Variants in TLL1 observed in about 807,000 individuals in gnomAD.
TLL1 encodes the protein tolloid like 1.
In TLL1, 49 loss-of-function variants were observed where a neutral mutation model predicts 128.2. That is an observed-to-expected ratio of 0.38 (90% CI 0.30 to 0.48). TLL1 has a LOEUF of 0.48. Among genes scored for constraint, TLL1 ranks in the 20% least tolerant of loss-of-function variants. TLL1 has a pLI of 0.96. For missense variants in TLL1, 1,123 were observed against 1,242.0 expected (o/e 0.90, Z 1.44); for synonymous variants, 454 against 418.8 (o/e 1.08, Z -1.03).
At chr4:166,011,687 A>T (rs1315818209) in intron 7 of TLL1, among the ~76,000 whole-genome samples, 1 of 151,494 alleles carries the variant, frequency 6.6e-6, no homozygotes, top group African/African-American at 2.4e-5. Context: ...ATAAGTGACA[A>T]GGGTGGGCAT....
At chr4:166,058,156 T>C (rs1482038730) in intron 14 of TLL1, among the ~76,000 whole-genome samples, 1 of 152,078 alleles carries the variant, frequency 6.6e-6, no homozygotes, top group Non-Finnish European at 1.5e-5. Context: ...TTCATCCATC[T>C]CTCATACCAG....
chr4:165,969,105 T>A (rs1019204033), intron 1 of TLL1, among the ~76,000 whole-genome samples: 46 of 152,294 alleles, frequency 3.0e-4, no homozygotes, highest in African/African-American at 1.0e-3. Flanking sequence ...ATTATTTTTG[T>A]TTGAGTTATT....
chr4:165,971,919 T>C (rs1185970772), intron 1 of TLL1, among the ~76,000 whole-genome samples: 1 of 152,178 alleles, frequency 6.6e-6, no homozygotes, highest in East Asian at 1.9e-4. Context: ...TTGTCAGTGA[T>C]CTGTTTTTTG....
intron 13 of TLL1, among the ~76,000 whole-genome samples, chr4:166,056,328 G>A (rs1740005498): frequency 6.6e-6 from 1 of 151,712 alleles, no homozygotes; most frequent in Non-Finnish European, 1.5e-5. Context: ...ACTCACATGA[G>A]GTTATTCCTG....
At chr4:165,983,692 C>A (rs1269915089) in intron 1 of TLL1, among the ~76,000 whole-genome samples, 1 of 151,768 alleles carries the variant, frequency 6.6e-6, no homozygotes, top group East Asian at 1.9e-4. Context: ...AAGTTCTATG[C>A]CCTTTGAAGG....
At chr4:166,019,831 A>C (rs1170355779) in intron 8 of TLL1, among the ~76,000 whole-genome samples, 3 of 152,178 alleles carry the variant, frequency 2.0e-5, no homozygotes, top group Non-Finnish European at 2.9e-5. Context: ...ATACCTTGTA[A>C]TACATTCTTA....
intron 1 of TLL1, among the ~76,000 whole-genome samples, chr4:165,935,998 A>G (rs1287926301): frequency 6.6e-6 from 1 of 151,170 alleles, no homozygotes; most frequent in Non-Finnish European, 1.5e-5. Context: ...TTATCAGGAC[A>G]CACATAATGT....
At chr4:166,068,161 T>G (rs564468637) in intron 16 of TLL1, among the ~76,000 whole-genome samples, 62 of 151,962 alleles carry the variant, frequency 4.1e-4, no homozygotes, top group African/African-American at 1.4e-3. Flanking sequence ...ATTAGATCTA[T>G]TTCACATTTA....
chr4:166,021,338 A>G (rs1157370292), intron 8 of TLL1, among the ~76,000 whole-genome samples: 1 of 152,010 alleles, frequency 6.6e-6, no homozygotes, highest in Non-Finnish European at 1.5e-5. Context: ...CCAGCAGCCC[A>G]AGCCAGAACT....
intron 1 of TLL1, among the ~76,000 whole-genome samples, chr4:165,939,077 T>G (rs146723696): frequency 6.6e-6 from 1 of 152,046 alleles, no homozygotes; most frequent in African/African-American, 2.4e-5. Flanking sequence ...TGATATTAAG[T>G]TTGAAGTGCA....
At chr4:165,981,043 G>A (rs28655156) in intron 1 of TLL1, among the ~76,000 whole-genome samples, 12,157 of 152,016 alleles carry the variant, frequency 0.08, 1,596 homozygotes, top group African/African-American at 0.27. Flanking sequence ...CCCAATTGGT[G>A]AACTACTGTA....
At chr4:165,887,214 T>C (rs949708443) in intron 1 of TLL1, among the ~76,000 whole-genome samples, 2 of 152,078 alleles carry the variant, frequency 1.3e-5, no homozygotes, top group African/African-American at 2.4e-5. Context: ...TATAAAGATA[T>C]GTTAGGAGGT....
intron 1 of TLL1, among the ~76,000 whole-genome samples, chr4:165,980,208 C>CT (rs202236567): frequency 0.079 from 12,042 of 151,990 alleles, 1,556 homozygotes; most frequent in African/African-American, 0.27. Context: ...GTCCAGTCCC[C>CT]TTATGTTCTT....
chr4:166,016,376 G>T (rs1379966361), intron 8 of TLL1, among the ~76,000 whole-genome samples: 1 of 152,018 alleles, frequency 6.6e-6, no homozygotes, highest in Non-Finnish European at 1.5e-5. Context: ...AAACTCTCTT[G>T]ATTATATCTC....
At position 165,956,938 on chromosome 4, in the gene TLL1, G is replaced by C. The variant is rs138077267; in HGVS notation, c.170-32443G>C. On this transcript the variant is annotated intron_variant, in intron 1 of 20. Coordinates refer to ENST00000061240, the MANE Select transcript of TLL1 (RefSeq NM_012464.5). The stretch of plus-strand genomic sequence containing the variant: ...GTACATAGCCCACAGACCCTATAAA[G>C]CAGCTTCACAATTGCATCTACAAAA... Among the ~76,000 whole-genome samples the C allele has an allele frequency of 1.8e-3, 273 of 152,122 alleles. 3 individuals carry two copies. The highest frequency in any genetic ancestry group is 6.1e-3 in the African/African-American group (252 of 41,524).
intron 19 of TLL1, 98 bp downstream of exon 19, chr4:166,091,439 A>G: frequency 5.0e-6 from 5 of 1,008,956 alleles, no homozygotes; most frequent in Middle Eastern, 2.5e-4. Flanking sequence ...TAAATCTCCA[A>G]GCATAGCAGA....
At chr4:165,878,392 G>A (rs1168639468) in intron 1 of TLL1, among the ~76,000 whole-genome samples, 2 of 151,330 alleles carry the variant, frequency 1.3e-5, no homozygotes, top group African/African-American at 2.4e-5. Flanking sequence ...CTTGCCTTGG[G>A]TGCCAACTCA....
chr4:166,008,801 T>C (rs1579617294), intron 7 of TLL1, among the ~76,000 whole-genome samples: 1 of 150,490 alleles, frequency 6.6e-6, no homozygotes, highest in African/African-American at 2.5e-5. Flanking sequence ...TCATTTCAAC[T>C]CTTTTTTTTT....
At chr4:166,006,940 T>C (rs898600714) in intron 6 of TLL1, among the ~76,000 whole-genome samples, 3 of 151,732 alleles carry the variant, frequency 2.0e-5, no homozygotes, top group African/African-American at 2.4e-5. Context: ...GATCTTTTTA[T>C]ATTTGATTGA....
Sources: gnomAD v4.1 joint callset for allele counts (sites outside exome capture counted in the v4.1 genomes callset) on GRCh38, gnomAD v4.1.1 for gene constraint, MANE v1.5 for transcripts, NCBI Gene and HGNC (gene_info 2026-07-23, HGNC 2026-07-21) for gene names.